BRIP1: variants seen among roughly 807,000 people sequenced by gnomAD.
BRIP1 encodes the protein Fanconi anemia group J protein.
In BRIP1, 88 loss-of-function variants were observed where a neutral mutation model predicts 119.7. The ratio of observed to expected loss-of-function variants is 0.74; its 90% confidence interval spans 0.62 to 0.88. The LOEUF is 0.88. Ranked by LOEUF, BRIP1 falls within the 40% of genes least tolerant of loss-of-function variation. The probability of loss-of-function intolerance (pLI) is 0.00; values close to 1 mark genes in which losing one functional copy is unlikely to be tolerated. For synonymous variants in BRIP1, 443 were observed against 496.5 expected (o/e 0.89, Z 1.43); for missense variants, 1,259 against 1,455.4 (o/e 0.87, Z 2.20).
rs759187663 is a variant in BRIP1 at position 61,861,507 on chromosome 17, A to G, written c.33T>C (p.Gly11=). ...TATAAGGAAAGTAAATCTTCACCCC[A>G]CCAATTGTATATTCAGACCACATTG... is the stretch of plus-strand genomic sequence containing the variant. The part of the protein sequence containing the change: MSSMWSEYTI[G]GVKIYFPYKA... Residue 11 remains glycine, a synonymous_variant, in exon 2 of 20, where the codon GGT becomes GGC. Transcript: ENST00000259008. This position sits in a 1 kb window ranked among gnomAD's most constrained non-coding sequence, Gnocchi z 4.5. 9.9e-6 allele frequency: 16 copies of G among 1,613,252 alleles called. No individual in the cohort carries two copies. Among genetic ancestry groups the G allele is most frequent in the South Asian group, 1.1e-5 (1 of 91,054 alleles).
rs1603275034 is a variant in BRIP1, at chr17:61,683,605, A to C, written c.3441T>G (p.Asn1147Lys). ...YDPEDTDEEK[N>K]DLAETDRGNR... ...TTCCTCTATCAGTTTCAGCTAGGTC[A>C]TTTTTTTCTTCATCTGTATCTTCAG... The change falls in exon 20 of 20, where the codon AAT becomes AAG. Residue 1147 changes from asparagine (N) to lysine (K), a missense_variant. Physicochemically the swap from Asn to Lys is moderately conservative, Grantham distance 94 (BLOSUM62 0). Around this residue, in one of 3 missense-constraint regions of BRIP1, gnomAD observed 753 missense variants for 891.8 expected, o/e 0.84. Transcript: ENST00000259008. The surrounding 1 kb of genome is among the most constrained non-coding windows in gnomAD (Gnocchi z 4.7). 1 of 1,611,820 alleles carries C rather than the reference A, an allele frequency of 6.2e-7. No homozygotes were observed. Among genetic ancestry groups the C allele is most frequent in the African/African-American group, 1.3e-5 (1 of 74,816 alleles).
intron 16 of BRIP1, among the ~76,000 whole-genome samples, chr17:61,728,098 G>C (rs1217293639): frequency 3.3e-5 from 5 of 151,744 alleles, no homozygotes; most frequent in Non-Finnish European, 5.9e-5. Flanking sequence ...GAAAGTGCTG[G>C]GATTACAGGC....
At chr17:61,696,686 C>CAA (rs1237775624) in intron 17 of BRIP1, among the ~76,000 whole-genome samples, 11 of 57,128 alleles carry the variant, frequency 1.9e-4, no homozygotes, top group African/African-American at 3.9e-4. Context: ...CTTTGTCTCA[C>CAA]AAAAAAAAAA....
chr17:61,786,727 G>C (rs955938605), intron 10 of BRIP1, among the ~76,000 whole-genome samples: 6 of 137,514 alleles, frequency 4.4e-5, no homozygotes, highest in East Asian at 2.0e-4. Context: ...CCTTTTTAAA[G>C]TGAGTTCTGT....
Position 61,851,940 on chromosome 17 carries a change from G to A in BRIP1, c.380-2684C>T, listed in dbSNP as rs781772907. On this transcript the variant is annotated intron_variant, in intron 4 of 19. Transcript: ENST00000259008. This position sits in a 1 kb window ranked among gnomAD's most constrained non-coding sequence, Gnocchi z 4.6. ...TTTCGTTGTCACAAAAAGAGCAGAG[G>A]TGGAAATACTACTAGCATCCAGTGC... Among the ~76,000 whole-genome samples, 17 of 152,184 alleles carry A rather than the reference G, an allele frequency of 1.1e-4. No individual in the cohort carries two copies. The highest frequency in any genetic ancestry group is 6.5e-4 in the Admixed American group (10 of 15,280).
At chr17:61,790,020 C>T (rs1158998620) in intron 10 of BRIP1, among the ~76,000 whole-genome samples, 1 of 152,114 alleles carries the variant, frequency 6.6e-6, no homozygotes, top group Non-Finnish European at 1.5e-5. Context: ...TAAATACACA[C>T]ACCTCCCCAT....
chr17:61,792,089 A>T (rs912637008), intron 10 of BRIP1, among the ~76,000 whole-genome samples: 1 of 152,204 alleles, frequency 6.6e-6, no homozygotes, highest in Non-Finnish European at 1.5e-5. Flanking sequence ...TTGTCAAGAG[A>T]CAAAGTCTTG....
rs1180411386 is a variant in BRIP1, at chr17:61,742,865, C to T, written c.2379+148G>A. The T allele has an allele frequency of 1.0e-6, 1 of 988,110 alleles. No homozygotes were observed. Among genetic ancestry groups the T allele is most frequent in the African/African-American group, 1.6e-5 (1 of 60,774 alleles). 61.2% of individuals were successfully genotyped at this position (988,110 alleles called of 1,614,324 possible). On this transcript the variant is annotated intron_variant, in intron 16 of 19. Coordinates refer to ENST00000259008, the MANE Select transcript of BRIP1 (RefSeq NM_032043.3). The surrounding 1 kb of genome is among the most constrained non-coding windows in gnomAD (Gnocchi z 4.7). ...CTGTTGGAAAAATGGTGCTGAAAGA[C>T]TTGCACAATGCAGGGTTACCATAAA...
chr17:61,696,070 TTTAAGA>T (rs1176867987), intron 17 of BRIP1, among the ~76,000 whole-genome samples: 2 of 152,156 alleles, frequency 1.3e-5, no homozygotes, highest in African/African-American at 2.4e-5. Flanking sequence ...ATTTCAGTCT[TTTAAGA>T]TTAAGTATGA....
At position 61,753,618 on chromosome 17, in the gene BRIP1, T is replaced by A. The variant is rs531348380; in HGVS notation, c.2098-9027A>T. Among the ~76,000 whole-genome samples the A allele has an allele frequency of 6.3e-4, 95 of 151,822 alleles. 1 individual carries two copies. The highest frequency in any genetic ancestry group is 1.3e-3 in the South Asian group (6 of 4,786). On this transcript the variant is annotated intron_variant, in intron 14 of 19. Transcript: ENST00000259008. This position sits in a 1 kb window ranked among gnomAD's most constrained non-coding sequence, Gnocchi z 4.6. ...TTTCCTCTCCATTTTTTTTTTTTTT[T>A]AGAGATGGGATCTCACTCTGTTGCT...
At chr17:61,766,481 T>C (rs1403948870) in intron 14 of BRIP1, among the ~76,000 whole-genome samples, 4 of 152,160 alleles carry the variant, frequency 2.6e-5, no homozygotes, top group South Asian at 2.1e-4. Flanking sequence ...TTTATATCTA[T>C]AGAAATTTCA....
rs936363806 is a variant in BRIP1 at position 61,740,496 on chromosome 17, T to C, written c.2379+2517A>G. On this transcript the variant is annotated intron_variant, in intron 16 of 19. Coordinates refer to ENST00000259008, the MANE Select transcript of BRIP1 (RefSeq NM_032043.3). This position sits in a 1 kb window ranked among gnomAD's most constrained non-coding sequence, Gnocchi z 5.4. ...AGTTGAAAATAAAATAAAATCTGTA[T>C]CTACTAAATTTTTCTCACTCATTCA... Among the ~76,000 whole-genome samples, 2 of 152,138 alleles carry C rather than the reference T, an allele frequency of 1.3e-5. No homozygotes were observed. Among genetic ancestry groups the C allele is most frequent in the African/African-American group, 4.8e-5 (2 of 41,438 alleles).
rs1443399423 is a variant in BRIP1, at chr17:61,738,183, G to C, written c.2379+4830C>G. Among the ~76,000 whole-genome samples, 2 of 152,126 alleles carry C rather than the reference G, an allele frequency of 1.3e-5. No individual in the cohort carries two copies. Among genetic ancestry groups the C allele is most frequent in the Admixed American group, 6.5e-5 (1 of 15,280 alleles). ...GAGAGAGCCAACCAACCAAGCCCAA[G>C]CCTAGATCATCTGTCACCCAATCAC... On this transcript the variant is annotated intron_variant, in intron 16 of 19. Transcript: ENST00000259008. This position sits in a 1 kb window ranked among gnomAD's most constrained non-coding sequence, Gnocchi z 4.2.
At chr17:61,723,465 G>C (rs1348977145) in intron 16 of BRIP1, among the ~76,000 whole-genome samples, 1 of 152,128 alleles carries the variant, frequency 6.6e-6, no homozygotes, top group Non-Finnish European at 1.5e-5. Flanking sequence ...TATTTGGGAG[G>C]TCATGCCCAC....
At position 61,704,317 on chromosome 17, in the gene BRIP1, G is replaced by A. The variant is rs1016817055; in HGVS notation, c.2493-10805C>T. On this transcript the variant is annotated intron_variant, in intron 17 of 19. Coordinates refer to ENST00000259008, the MANE Select transcript of BRIP1 (RefSeq NM_032043.3). This position sits in a 1 kb window ranked among gnomAD's most constrained non-coding sequence, Gnocchi z 5.7. ...CTCATAAAATAAATTGGGAAGGATT[G>A]CATCTTCTGTTTTTTAGAAGAGATT... 6.6e-6 allele frequency among the ~76,000 whole-genome samples: 1 copy of A among 152,044 alleles called. No homozygotes were observed. The highest frequency in any genetic ancestry group is 2.1e-4 in the South Asian group (1 of 4,832).
chr17:61,733,752 C>T (rs867216791), intron 16 of BRIP1, among the ~76,000 whole-genome samples: 3 of 151,850 alleles, frequency 2.0e-5, no homozygotes, highest in Non-Finnish European at 4.4e-5. Flanking sequence ...GATCACTATG[C>T]GAATTTTAAA....
Position 61,734,031 on chromosome 17 carries a change from A to T in BRIP1, c.2379+8982T>A, listed in dbSNP as rs1336721854. ...TAAAGGAACAATACCTACGAAGGAGAACTTTTCTATATACTATTATACTAT... is the reference window on the plus strand; with the variant it reads ...TAAAGGAACAATACCTACGAAGGAGTACTTTTCTATATACTATTATACTAT... On this transcript the variant is annotated intron_variant, in intron 16 of 19. Transcript: ENST00000259008. The surrounding 1 kb of genome is among the most constrained non-coding windows in gnomAD (Gnocchi z 5.2). Among the ~76,000 whole-genome samples the T allele has an allele frequency of 6.6e-6, 1 of 152,172 alleles. No homozygotes were observed. Among genetic ancestry groups the T allele is most frequent in the Non-Finnish European group, 1.5e-5 (1 of 68,016 alleles).
chr17:61,741,197 G>C (rs1159821495), intron 16 of BRIP1, among the ~76,000 whole-genome samples: 1 of 152,144 alleles, frequency 6.6e-6, no homozygotes, highest in Non-Finnish European at 1.5e-5. Context: ...ATCTGTTCAA[G>C]TGTCCTCATG....
chr17:61,707,118 T>G (rs1183035577), intron 17 of BRIP1, among the ~76,000 whole-genome samples: 3 of 152,154 alleles, frequency 2.0e-5, no homozygotes, highest in Non-Finnish European at 2.9e-5. Flanking sequence ...GGTCCTTGTA[T>G]GTTGAAGGCT....
Sources: gnomAD v4.1 joint callset for allele counts (sites outside exome capture counted in the v4.1 genomes callset) on GRCh38, gnomAD v4.1.1 for gene constraint, gnomAD v4.1.1 regional missense constraint, Gnocchi (gnomAD v3.1) non-coding constraint, MANE v1.5 for transcripts, NCBI Gene and HGNC (gene_info 2026-07-23, HGNC 2026-07-21) for gene names.